Variants in SPOCK1 observed in about 807,000 individuals in gnomAD.
SPOCK1 encodes the protein SPARC (osteonectin), cwcv and kazal like domains proteoglycan 1, also known as testican-1.
SPOCK1 carries 23 observed loss-of-function variants against 55.3 expected under a neutral mutation model. The observed-to-expected ratio is 0.42, with a 90% confidence interval of 0.30 to 0.59. The LOEUF is 0.59. Ranked by LOEUF, SPOCK1 falls within the 20% of genes least tolerant of loss-of-function variation. SPOCK1 has a pLI of 0.22. For missense variants in SPOCK1, 499 were observed against 552.5 expected (o/e 0.90, Z 0.97); for synonymous variants, 226 against 221.0 (o/e 1.02, Z -0.20).
At chr5:137,143,443 T>C (rs758991293) in intron 3 of SPOCK1, among the ~76,000 whole-genome samples, 10 of 151,034 alleles carry the variant, frequency 6.6e-5, no homozygotes, top group Non-Finnish European at 1.3e-4. Context: ...GCAGAGTAGC[T>C]TCTGGAACAG....
chr5:137,434,771 G>T (rs1188701857), intron 2 of SPOCK1, among the ~76,000 whole-genome samples: 1 of 151,980 alleles, frequency 6.6e-6, no homozygotes, highest in African/African-American at 2.4e-5. Flanking sequence ...AAAGTGCTGG[G>T]ATTACAGGCG....
intron 5 of SPOCK1, among the ~76,000 whole-genome samples, chr5:137,107,663 T>C (rs1192733013): frequency 6.6e-6 from 1 of 152,186 alleles, no homozygotes; most frequent in East Asian, 1.9e-4. Context: ...AGAAGAGGCC[T>C]GCTGTAGACA....
At chr5:137,041,098 C>T (rs1410404726) in intron 6 of SPOCK1, among the ~76,000 whole-genome samples, 1 of 151,794 alleles carries the variant, frequency 6.6e-6, no homozygotes, top group Non-Finnish European at 1.5e-5. Flanking sequence ...CTAGATTTCA[C>T]GACTTACTAT....
chr5:137,202,050 A>G (rs920253595), intron 3 of SPOCK1, among the ~76,000 whole-genome samples: 1 of 152,230 alleles, frequency 6.6e-6, no homozygotes, highest in African/African-American at 2.4e-5. Context: ...GGGGTGCTCA[A>G]GCCTGCTAAG....
At chr5:137,170,507 A>C (rs1258863790) in intron 3 of SPOCK1, among the ~76,000 whole-genome samples, 1 of 152,156 alleles carries the variant, frequency 6.6e-6, no homozygotes. Flanking sequence ...TATCAGGGTT[A>C]GATGACGTCA....
chr5:137,051,147 G>T (rs953255060), intron 6 of SPOCK1, among the ~76,000 whole-genome samples: 1 of 152,194 alleles, frequency 6.6e-6, no homozygotes, highest in African/African-American at 2.4e-5. Context: ...TTGAGTAAAA[G>T]TCATTTTTTG....
rs1429402041 is a variant in SPOCK1, at chr5:137,398,142, C to T, written c.186+100231G>A. 2.6e-5 allele frequency among the ~76,000 whole-genome samples: 4 copies of T among 152,068 alleles called. No homozygotes were observed. In the East Asian group the frequency reaches 5.8e-4, roughly 22 times the overall value. ...GAGCCCATTCCACTGGCCCACAACACTTCCATGAGGCCTGCCAGCCAGCCT... is the reference window on the plus strand; with the variant it reads ...GAGCCCATTCCACTGGCCCACAACATTTCCATGAGGCCTGCCAGCCAGCCT... On this transcript the variant is annotated intron_variant, in intron 2 of 10. Coordinates refer to ENST00000394945, the MANE Select transcript of SPOCK1 (RefSeq NM_004598.4).
Position 136,978,443 on chromosome 5 carries a change from C to A in SPOCK1, c.*211G>T, listed in dbSNP as rs200564887. 34 of 382,170 alleles carry A rather than the reference C, an allele frequency of 8.9e-5. No individual in the cohort carries two copies. Among genetic ancestry groups the A allele is most frequent in the South Asian group, 8.4e-4 (7 of 8,370 alleles). 23.7% of individuals were successfully genotyped at this position (382,170 alleles called of 1,614,324 possible). Reference sequence around the variant, plus strand: ...TCCCTATCCAAAAAATAAACAACAACAAAAAAAAAACACAACACCCTTTCT... The same window carrying A: ...TCCCTATCCAAAAAATAAACAACAAAAAAAAAAAAACACAACACCCTTTCT... On this transcript the variant is annotated 3_prime_UTR_variant, in exon 11 of 11. Transcript: ENST00000394945.
chr5:137,089,032 G>A (rs1211765150), intron 5 of SPOCK1, among the ~76,000 whole-genome samples: 1 of 152,170 alleles, frequency 6.6e-6, no homozygotes, highest in Admixed American at 6.5e-5. Context: ...GGCCAGGAGA[G>A]CACTGGGACT....
intron 6 of SPOCK1, among the ~76,000 whole-genome samples, chr5:137,056,871 C>T (rs184266963): frequency 6.6e-6 from 1 of 152,012 alleles, no homozygotes; most frequent in Admixed American, 6.6e-5. Flanking sequence ...ACCCTCCCCC[C>T]ACCACCGACT....
Position 136,979,552 on chromosome 5 carries a change from C to T in SPOCK1, c.992-83G>A, listed in dbSNP as rs1750686221. 5.9e-6 allele frequency: 9 copies of T among 1,514,500 alleles called. No individual in the cohort carries two copies. In the East Asian group the frequency reaches 2.0e-4, roughly 34 times the overall value. 93.8% of individuals were successfully genotyped at this position (1,514,500 alleles called of 1,614,324 possible). ...ATGCCCGTCAACACAGGGAAGAGGGCTCACATGTCAGAATATCTGCTGCAG... is the reference window on the plus strand; with the variant it reads ...ATGCCCGTCAACACAGGGAAGAGGGTTCACATGTCAGAATATCTGCTGCAG... On this transcript the variant is annotated intron_variant, in intron 9 of 10. Coordinates refer to ENST00000394945, the MANE Select transcript of SPOCK1 (RefSeq NM_004598.4).
At chr5:137,386,585 T>C (rs1265192028) in intron 2 of SPOCK1, among the ~76,000 whole-genome samples, 1 of 152,148 alleles carries the variant, frequency 6.6e-6, no homozygotes, top group Non-Finnish European at 1.5e-5. Context: ...TTTCAACAAA[T>C]AGTGCTAGAA....
chr5:137,421,582 G>C (rs559080791), intron 2 of SPOCK1, among the ~76,000 whole-genome samples: 2 of 152,058 alleles, frequency 1.3e-5, no homozygotes, highest in Non-Finnish European at 2.9e-5. Flanking sequence ...GATCTTTGTT[G>C]GTTTGAAGTC....
chr5:137,392,982 C>G (rs918853919), intron 2 of SPOCK1, among the ~76,000 whole-genome samples: 2 of 152,166 alleles, frequency 1.3e-5, no homozygotes, highest in African/African-American at 4.8e-5. Flanking sequence ...CCCTGTGACT[C>G]TCCTCTGCTC....
intron 6 of SPOCK1, among the ~76,000 whole-genome samples, chr5:137,017,751 T>C (rs1751475652): frequency 6.6e-6 from 1 of 152,146 alleles, no homozygotes; most frequent in South Asian, 2.1e-4. Flanking sequence ...ACAGTACCAA[T>C]TATTAAAAGA....
intron 2 of SPOCK1, among the ~76,000 whole-genome samples, chr5:137,384,595 T>TC (rs201348711): frequency 2.1e-5 from 3 of 141,818 alleles, no homozygotes; most frequent in Non-Finnish European, 1.5e-5. Context: ...TATTTTTTTT[T>TC]CCCCCTGGAG....
At chr5:137,349,672 T>A (rs1362488648) in intron 2 of SPOCK1, among the ~76,000 whole-genome samples, 4 of 152,170 alleles carry the variant, frequency 2.6e-5, no homozygotes, top group African/African-American at 9.7e-5. Context: ...TGGCTTCTAG[T>A]GGTTTGCTCA....
chr5:137,280,815 A>G (rs1248298269), intron 2 of SPOCK1, among the ~76,000 whole-genome samples: 1 of 152,214 alleles, frequency 6.6e-6, no homozygotes, highest in East Asian at 1.9e-4. Context: ...TAAAGATGCC[A>G]CAGTGATTAC....
chr5:137,077,391 G>A (rs941323490), intron 5 of SPOCK1, among the ~76,000 whole-genome samples: 1 of 152,256 alleles, frequency 6.6e-6, no homozygotes, highest in Non-Finnish European at 1.5e-5. Context: ...GAAAGGGAGA[G>A]AGAACAGGAG....
Sources: gnomAD v4.1 joint callset for allele counts (sites outside exome capture counted in the v4.1 genomes callset) on GRCh38, gnomAD v4.1.1 for gene constraint, MANE v1.5 for transcripts, NCBI Gene and HGNC (gene_info 2026-07-23, HGNC 2026-07-21) for gene names.